Variants in PTPRM observed in about 807,000 individuals in gnomAD.
PTPRM encodes receptor-type tyrosine-protein phosphatase mu.
Under a neutral mutation model 186.7 loss-of-function variants are expected in PTPRM, and 47 were observed. The observed-to-expected ratio is 0.25, with a 90% CI of 0.20 to 0.32. The LOEUF (loss-of-function observed/expected upper bound fraction) is 0.32. Among genes scored for constraint, PTPRM ranks in the 10% least tolerant of loss-of-function variants. PTPRM has a pLI of 1.00. For synonymous variants in PTPRM, 668 were observed against 674.9 expected, an observed-to-expected ratio of 0.99 and a Z score of 0.16; for missense variants, 1,494 against 1,865.0, an observed-to-expected ratio of 0.80 and a Z score of 3.66.
intron 1 of PTPRM, among the ~76,000 whole-genome samples, chr18:7,710,548 C>T (rs1445814821): frequency 6.6e-6 from 1 of 152,068 alleles, no homozygotes; most frequent in Non-Finnish European, 1.5e-5. Context: ...CTAGCCAGAG[C>T]AGTTAAACAA....
At chr18:7,869,604 T>G (rs1217953557) in intron 2 of PTPRM, among the ~76,000 whole-genome samples, 1 of 152,146 alleles carries the variant, frequency 6.6e-6, no homozygotes. Context: ...TCTGTGTTGA[T>G]CTCGCTGGAA....
intron 1 of PTPRM, among the ~76,000 whole-genome samples, chr18:7,665,696 G>A (rs551812201): frequency 4.6e-5 from 7 of 152,078 alleles, no homozygotes; most frequent in African/African-American, 1.7e-4. Context: ...GGAGGCCGAG[G>A]GGGGTGGATC....
chr18:7,839,459 C>T (rs1399402601), intron 2 of PTPRM, among the ~76,000 whole-genome samples: 1 of 152,190 alleles, frequency 6.6e-6, no homozygotes, highest in Non-Finnish European at 1.5e-5. Flanking sequence ...TCCCTTCTGG[C>T]CCAGGGTGTG....
At position 7,994,816 on chromosome 18, in the gene PTPRM, C is replaced by T. The variant is rs188228184; in HGVS notation, c.1132+39402C>T. Among the ~76,000 whole-genome samples, 575 of 152,044 alleles carry T rather than the reference C, an allele frequency of 3.8e-3. 5 individuals are homozygous for T. The highest frequency in any genetic ancestry group is 6.4e-3 in the Non-Finnish European group (437 of 67,958). ...ACATACCAAAACCTATAGGATTTCA[C>T]AAAAGCAGTTCTAAGAGGGAAGTTT... On this transcript the variant is annotated intron_variant, in intron 7 of 32. Transcript: ENST00000580170.
chr18:7,593,442 C>T (rs1312749584), intron 1 of PTPRM, among the ~76,000 whole-genome samples: 4 of 152,210 alleles, frequency 2.6e-5, no homozygotes, highest in African/African-American at 9.6e-5. Flanking sequence ...AATGCTTCCT[C>T]ACATTATGGA....
At chr18:8,063,725 A>G (rs771533616) in intron 7 of PTPRM, among the ~76,000 whole-genome samples, 10 of 152,204 alleles carry the variant, frequency 6.6e-5, no homozygotes, top group Non-Finnish European at 1.0e-4. Context: ...GCATTCAACA[A>G]GCTTTTTACT....
intron 32 of PTPRM, among the ~76,000 whole-genome samples, chr18:8,396,140 A>T (rs1366895699): frequency 6.6e-6 from 1 of 152,234 alleles, no homozygotes; most frequent in African/African-American, 2.4e-5. Flanking sequence ...CCTGAATGGT[A>T]AAGAGTTCTA....
At chr18:7,711,027 G>A (rs997811674) in intron 1 of PTPRM, among the ~76,000 whole-genome samples, 3 of 152,178 alleles carry the variant, frequency 2.0e-5, no homozygotes, top group South Asian at 2.1e-4. Flanking sequence ...ATGTGGGTTG[G>A]GGGGGAATCT....
intron 1 of PTPRM, among the ~76,000 whole-genome samples, chr18:7,746,459 ATTCTTTTTTTT>A (rs2040988023): frequency 6.6e-6 from 1 of 151,902 alleles, no homozygotes; most frequent in Middle Eastern, 3.4e-3. Context: ...AACCTAGTAA[ATTCTTTTTTTT>A]TTCTTTTTTT....
At chr18:8,216,481 CG>C (rs2094088192) in intron 14 of PTPRM, among the ~76,000 whole-genome samples, 1 of 152,206 alleles carries the variant, frequency 6.6e-6, no homozygotes, top group Non-Finnish European at 1.5e-5. Context: ...TCCTGTAAGG[CG>C]AAGAAAACAC....
intron 7 of PTPRM, among the ~76,000 whole-genome samples, chr18:8,045,060 A>G (rs2086950055): frequency 6.6e-6 from 1 of 152,166 alleles, no homozygotes; most frequent in Non-Finnish European, 1.5e-5. Flanking sequence ...CAAAACTTGT[A>G]TGTAAGCAGG....
chr18:7,978,714 G>A (rs912085444), intron 7 of PTPRM, among the ~76,000 whole-genome samples: 1 of 151,984 alleles, frequency 6.6e-6, no homozygotes, highest in Non-Finnish European at 1.5e-5. Flanking sequence ...ATTATACGTG[G>A]CTCTTACTAC....
intron 20 of PTPRM, among the ~76,000 whole-genome samples, chr18:8,312,990 C>A (rs148009352): frequency 2.0e-5 from 3 of 152,312 alleles, no homozygotes; most frequent in Non-Finnish European, 2.9e-5. Flanking sequence ...ATTTACTCGA[C>A]AGGAGGTTAA....
chr18:7,856,477 C>T (rs1191239012), intron 2 of PTPRM, among the ~76,000 whole-genome samples: 1 of 152,100 alleles, frequency 6.6e-6, no homozygotes, highest in Non-Finnish European at 1.5e-5. Flanking sequence ...TGCCATGGCT[C>T]ATGCCTATAA....
intron 7 of PTPRM, among the ~76,000 whole-genome samples, chr18:8,015,416 T>C (rs1056848818): frequency 6.6e-6 from 1 of 151,864 alleles, no homozygotes; most frequent in Non-Finnish European, 1.5e-5. Context: ...TTAAGTGAAG[T>C]CTTCTTCTCA....
chr18:7,820,289 C>G (rs2045113516), intron 2 of PTPRM, among the ~76,000 whole-genome samples: 1 of 152,088 alleles, frequency 6.6e-6, no homozygotes, highest in Admixed American at 6.5e-5. Flanking sequence ...GAGGGCCTGG[C>G]CGGGGATTGG....
In PTPRM at chr18:7,856,064, G is replaced by A. The variant is rs547255319; in HGVS notation, c.197-32042G>A. ...ATTCAATGTGAAAAAGGCCCAACAA[G>A]GACTAGACTTTTTCATCTCCTTCCT... On this transcript the variant is annotated intron_variant, in intron 2 of 32. Coordinates refer to ENST00000580170, the MANE Select transcript of PTPRM (RefSeq NM_001105244.2). Among the ~76,000 whole-genome samples the A allele has an allele frequency of 2.4e-3, 372 of 152,096 alleles. 1 individual carries two copies. Among genetic ancestry groups the A allele is most frequent in the Non-Finnish European group, 4.1e-3 (278 of 68,006 alleles).
chr18:8,378,281 T>A lies in PTPRM; in HGVS notation c.3479T>A (p.Ile1160Asn), dbSNP rs544915685. 6.2e-7 allele frequency: 1 copy of A among 1,612,318 alleles called. No individual in the cohort carries two copies. Among genetic ancestry groups the A allele is most frequent in the African/African-American group, 1.3e-5 (1 of 75,010 alleles). The change falls in exon 27 of 33, where the codon ATC (isoleucine) becomes AAC (asparagine). Residue 1160 changes from isoleucine (I) to asparagine (N), a missense_variant. Physicochemically the swap from Ile to Asn is moderately radical, Grantham distance 149. Coordinates refer to ENST00000580170, the MANE Select transcript of PTPRM (RefSeq NM_001105244.2). ...MVQTEEQYVF[I>N]HDAILEACLC... ...CTTCTCCAGGAGCAGTATGTGTTTA[T>A]CCACGATGCGATCCTGGAAGCCTGT...
chr18:7,830,823 C>T (rs1393468594), intron 2 of PTPRM, among the ~76,000 whole-genome samples: 1 of 152,146 alleles, frequency 6.6e-6, no homozygotes, highest in Non-Finnish European at 1.5e-5. Flanking sequence ...GCATTTTTAC[C>T]TCTGCACTTG....
Sources: gnomAD v4.1 joint callset for allele counts (sites outside exome capture counted in the v4.1 genomes callset) on GRCh38, gnomAD v4.1.1 for gene constraint, MANE v1.5 for transcripts, NCBI Gene and HGNC (gene_info 2026-07-23, HGNC 2026-07-21) for gene names.